FGF14: variants seen among roughly 807,000 people sequenced by gnomAD.
FGF14 encodes the protein fibroblast growth factor homologous factor 4.
Under a neutral mutation model 25.5 loss-of-function variants are expected in FGF14, and 5 were observed. That is an observed-to-expected ratio of 0.20 (90% CI 0.10 to 0.41). FGF14 has a LOEUF of 0.41. Among genes scored for constraint, FGF14 ranks in the 10% least tolerant of loss-of-function variants. FGF14 has a pLI of 1.00. For synonymous variants in FGF14, 138 were observed against 118.3 expected (o/e 1.17, Z -1.08); for missense variants, 222 against 320.1 (o/e 0.69, Z 2.34).
chr13:102,359,688 T>C (rs2057513463), intron 1 of FGF14, among the ~76,000 whole-genome samples: 1 of 152,178 alleles, frequency 6.6e-6, no homozygotes, highest in Non-Finnish European at 1.5e-5. Flanking sequence ...TAGCCCTTTA[T>C]ATCTCAGTGA....
At chr13:101,938,153 T>C (rs2035225140) in intron 1 of FGF14, among the ~76,000 whole-genome samples, 1 of 152,314 alleles carries the variant, frequency 6.6e-6, no homozygotes, top group East Asian at 1.9e-4. Context: ...GGGGTCGGAA[T>C]GGTCAACCCA....
At chr13:102,311,315 A>G (rs1318046280) in intron 1 of FGF14, among the ~76,000 whole-genome samples, 1 of 152,140 alleles carries the variant, frequency 6.6e-6, no homozygotes, top group Non-Finnish European at 1.5e-5. Context: ...GAGCTTTATG[A>G]CATACTAGGG....
Position 101,719,785 on chromosome 13 carries a change from G to A in FGF14, c.*3046C>T, listed in dbSNP as rs544527848. 6.6e-6 allele frequency: 1 copy of A among 152,050 alleles called. No homozygotes were observed. The highest frequency in any genetic ancestry group is 2.1e-4 in the South Asian group (1 of 4,820). The allele number at this position is 152,050 out of a possible 1,614,324, so 9.4% of individuals were successfully genotyped here. On this transcript the variant is annotated 3_prime_UTR_variant, in exon 5 of 5. Coordinates refer to ENST00000376143, the MANE Select transcript of FGF14 (RefSeq NM_004115.4). ...CAAAACACACAGTCTAAATACAAAT[G>A]AATTCCATCAGATTTACTATACGGA... is the stretch of plus-strand genomic sequence containing the variant.
chr13:101,931,456 A>G (rs1434703087), intron 1 of FGF14, among the ~76,000 whole-genome samples: 3 of 152,182 alleles, frequency 2.0e-5, no homozygotes, highest in South Asian at 2.1e-4. Flanking sequence ...AGACTTCACA[A>G]TGAGGCTGCA....
intron 1 of FGF14, among the ~76,000 whole-genome samples, chr13:102,326,667 G>GGGGAAGGGAAGGGAAGGGAA (rs1334021858): frequency 2.7e-5 from 2 of 74,780 alleles, no homozygotes; most frequent in African/African-American, 1.2e-4. Flanking sequence ...GGGGAAGGGA[G>GGGGAAGGGAAGGGAAGGGAA]GGGAAGGGAA....
At chr13:102,380,468 C>T (rs1444332422) in intron 1 of FGF14, among the ~76,000 whole-genome samples, 1 of 152,144 alleles carries the variant, frequency 6.6e-6, no homozygotes, top group South Asian at 2.1e-4. Flanking sequence ...TTCATGGCTG[C>T]AACTTTCCTC....
intron 1 of FGF14, among the ~76,000 whole-genome samples, chr13:101,905,471 G>A (rs377014775): frequency 4.6e-5 from 7 of 151,992 alleles, no homozygotes; most frequent in Admixed American, 3.3e-4. Context: ...CAAACATCGC[G>A]TGTTCTCACT....
chr13:101,767,920 T>C lies in FGF14; in HGVS notation c.409-41110A>G, dbSNP rs367761625. 4.9e-4 allele frequency among the ~76,000 whole-genome samples: 75 copies of C among 152,324 alleles called. 1 individual carries two copies. The East Asian group carries it at 8.5e-3, about 17-fold the overall frequency. On this transcript the variant is annotated intron_variant, in intron 3 of 4. Transcript: ENST00000376143. ...TTTTTTTATACAAATGAAGTACTTT[T>C]GAATACAGAGCTAAGAGTATATTCT...
intron 1 of FGF14, among the ~76,000 whole-genome samples, chr13:102,021,918 C>T (rs993189446): frequency 7.9e-5 from 12 of 152,060 alleles, no homozygotes; most frequent in Non-Finnish European, 1.5e-5. Context: ...ACCCCAGTCT[C>T]CTCACCTAGA....
intron 1 of FGF14, among the ~76,000 whole-genome samples, chr13:101,974,848 T>C (rs1198024569): frequency 6.6e-6 from 1 of 152,186 alleles, no homozygotes; most frequent in Non-Finnish European, 1.5e-5. Flanking sequence ...TCTTGTTGAA[T>C]GAATGTGTGT....
intron 4 of FGF14, among the ~76,000 whole-genome samples, chr13:101,724,460 G>A (rs1236311452): frequency 6.6e-6 from 1 of 151,218 alleles, no homozygotes; most frequent in East Asian, 2.0e-4. Flanking sequence ...GGGGATGGGG[G>A]AGGGATAGCA....
rs2044097558 is a variant in FGF14 at position 102,090,074 on chromosome 13, T to G, written c.209-214778A>C. Among the ~76,000 whole-genome samples, 3 of 152,204 alleles carry G rather than the reference T, an allele frequency of 2.0e-5. No homozygotes were observed. The South Asian group carries it at 6.2e-4, about 32-fold the overall frequency. On this transcript the variant is annotated intron_variant, in intron 1 of 4. Coordinates refer to the FGF14 transcript ENST00000376131. The stretch of plus-strand genomic sequence containing the variant: ...TTAGCTTTATATGTGCAAAATGGCT[T>G]TTTAGAAAAACTACCTAGATAAAAA...
At chr13:102,342,392 C>T (rs2056979122) in intron 1 of FGF14, among the ~76,000 whole-genome samples, 1 of 151,968 alleles carries the variant, frequency 6.6e-6, no homozygotes, top group Non-Finnish European at 1.5e-5. Flanking sequence ...TGAAATCCTA[C>T]ATAAGTTACT....
chr13:101,994,432 G>T (rs982058723), intron 1 of FGF14, among the ~76,000 whole-genome samples: 2 of 151,856 alleles, frequency 1.3e-5, no homozygotes, highest in Non-Finnish European at 2.9e-5. Context: ...CTTATGGGAG[G>T]ACTTATTGCC....
At chr13:102,045,965 G>A (rs1328437831) in intron 1 of FGF14, 1 of 154,266 alleles carries the variant, frequency 6.5e-6, no homozygotes, top group African/African-American at 2.4e-5. Flanking sequence ...TAATTGCTGA[G>A]TTGTTATCAC....
intron 1 of FGF14, among the ~76,000 whole-genome samples, chr13:102,082,686 GGCTCACGCCTGT>G: frequency 6.6e-6 from 1 of 152,190 alleles, no homozygotes; most frequent in Non-Finnish European, 1.5e-5. Flanking sequence ...CGGGCGCGGT[GGCTCACGCCTGT>G]AATCCCAGCA....
intron 1 of FGF14, among the ~76,000 whole-genome samples, chr13:102,068,621 G>C (rs543630898): frequency 6.6e-6 from 1 of 152,366 alleles, no homozygotes; most frequent in East Asian, 1.9e-4. Flanking sequence ...ACCCGGGCCA[G>C]CGGCTGCAGA....
At chr13:101,916,214 C>G (rs1292302941) in intron 1 of FGF14, among the ~76,000 whole-genome samples, 2 of 152,236 alleles carry the variant, frequency 1.3e-5, no homozygotes, top group African/African-American at 4.8e-5. Flanking sequence ...ACGCGGAGGG[C>G]AGGAGCCGCC....
At chr13:102,350,464 C>CA (rs2057244151) in intron 1 of FGF14, among the ~76,000 whole-genome samples, 1 of 152,042 alleles carries the variant, frequency 6.6e-6, no homozygotes, top group Non-Finnish European at 1.5e-5. Flanking sequence ...TCATGTGGAG[C>CA]AAAGGCAGAC....
Sources: gnomAD v4.1 joint callset for allele counts (sites outside exome capture counted in the v4.1 genomes callset) on GRCh38, gnomAD v4.1.1 for gene constraint, MANE v1.5 for transcripts, NCBI Gene and HGNC (gene_info 2026-07-23, HGNC 2026-07-21) for gene names.